WBP2NL: variants seen among roughly 807,000 people sequenced by gnomAD.
The protein encoded by WBP2NL is postacrosomal sheath WW domain-binding protein.
In WBP2NL, 27 loss-of-function variants were observed where a neutral mutation model predicts 23.3. That is an observed-to-expected ratio of 1.16 (90% CI 0.85 to 1.60). WBP2NL has a LOEUF of 1.60. WBP2NL is among the 40% of genes most tolerant of loss of function. WBP2NL has a pLI of 0.00. For missense variants in WBP2NL, 370 were observed against 389.5 expected, an observed-to-expected ratio of 0.95 and a Z score of 0.42; for synonymous variants, 151 against 145.9, an observed-to-expected ratio of 1.03 and a Z score of -0.25.
downstream of WBP2NL, chr22:42,032,549 G>A (rs1268655294): frequency 7.8e-6 from 2 of 255,356 alleles, no homozygotes; most frequent in East Asian, 2.7e-4. Context: ...TTGGTTGCTT[G>A]CTTGAAAATC....
At chr22:42,052,773 C>G (rs1602484164) in intron 8 of WBP2NL, among the ~76,000 whole-genome samples, 1 of 152,326 alleles carries the variant, frequency 6.6e-6, no homozygotes, top group Middle Eastern at 3.4e-3. Context: ...GCCAGTCCTT[C>G]TTCATCTTCA....
intron 1 of WBP2NL, among the ~76,000 whole-genome samples, chr22:42,008,966 A>G (rs1462116149): frequency 6.6e-6 from 1 of 152,126 alleles, no homozygotes; most frequent in Non-Finnish European, 1.5e-5. Flanking sequence ...TTTTTAGTAG[A>G]GACGGGGTTT....
chr22:42,033,509 C>G (rs755906703), downstream of WBP2NL, among the ~76,000 whole-genome samples: 16 of 152,120 alleles, frequency 1.1e-4, no homozygotes, highest in Non-Finnish European at 1.6e-4. Context: ...GGTGCACAGA[C>G]AAGTAGAGGG....
intron 8 of WBP2NL, among the ~76,000 whole-genome samples, chr22:42,041,349 G>A (rs1017025276): frequency 6.6e-6 from 1 of 151,946 alleles, no homozygotes; most frequent in Non-Finnish European, 1.5e-5. Flanking sequence ...GGGCGTGGTG[G>A]CACACACCTG....
chr22:42,023,294 C>G (rs1357433532), intron 5 of WBP2NL, among the ~76,000 whole-genome samples: 1 of 151,708 alleles, frequency 6.6e-6, no homozygotes, highest in Non-Finnish European at 1.5e-5. Flanking sequence ...AAGCGATCCT[C>G]TTACCTCAGT....
At chr22:42,033,344 T>C (rs1238161858), downstream of WBP2NL, among the ~76,000 whole-genome samples, 1 of 152,180 alleles carries the variant, frequency 6.6e-6, no homozygotes, top group Non-Finnish European at 1.5e-5. Context: ...GTCACAGCCC[T>C]GGCTTGGAGA....
Position 42,019,361 on chromosome 22 carries a change from A to G in WBP2NL, c.113A>G (p.Glu38Gly), listed in dbSNP as rs1320076943. The G allele has an allele frequency of 6.2e-7, 1 of 1,614,112 alleles. No homozygotes were observed. Among genetic ancestry groups the G allele is most frequent in the Non-Finnish European group, 8.5e-7 (1 of 1,180,056 alleles). Residue 38 changes from glutamate to glycine, a missense_variant, in exon 2 of 6, where the codon GAA (glutamate) becomes GGA (glycine). Physicochemically the swap from Glu to Gly is moderately conservative, Grantham distance 98. Coordinates refer to ENST00000328823, the MANE Select transcript of WBP2NL (RefSeq NM_152613.3). ...GAGCTCTCCTTCCCACAGCGATCAGAAGGCTCAAATGTCTTTAGTGGTAGA... is the reference window on the plus strand; with the variant it reads ...GAGCTCTCCTTCCCACAGCGATCAGGAGGCTCAAATGTCTTTAGTGGTAGA... Reference protein sequence around the residue: ...NVELSFPQRSEGSNVFSGRKT... With the variant: ...NVELSFPQRSGGSNVFSGRKT...
intron 8 of WBP2NL, among the ~76,000 whole-genome samples, chr22:42,056,945 T>G (rs1196077716): frequency 6.6e-6 from 1 of 152,168 alleles, no homozygotes; most frequent in Non-Finnish European, 1.5e-5. Flanking sequence ...TTATTGAGAC[T>G]CCCTTGTGTG....
intron 1 of WBP2NL, chr22:42,003,374 G>A (rs550453341): frequency 6.5e-6 from 1 of 152,716 alleles, no homozygotes; most frequent in Admixed American, 6.5e-5. Flanking sequence ...TACACTAAAT[G>A]TGGGTACAGT....
At chr22:42,008,121 G>C (rs8142031) in intron 1 of WBP2NL, among the ~76,000 whole-genome samples, 8,412 of 53,020 alleles carry the variant, frequency 0.16, 781 homozygotes, top group East Asian at 0.65. Context: ...CCTTTCCTTT[G>C]CTTTCCTTTC....
At position 41,998,831 on chromosome 22, in the gene WBP2NL, CA is replaced by C. The variant is rs1239603528; in HGVS notation, c.14del (p.Gln5ArgfsTer19). The C allele has an allele frequency of 6.2e-7, 1 of 1,611,080 alleles. No individual in the cohort carries two copies. The highest frequency in any genetic ancestry group is 8.5e-7 in the Non-Finnish European group (1 of 1,178,318). On this transcript the variant is annotated frameshift_variant, in exon 1 of 6. Transcript: ENST00000328823. LOFTEE classifies it high-confidence loss of function. MAVN[Q>X]SHTENRRGAL... Reference sequence around the variant, plus strand: ...GGCCCGAAGCAAGATGGCGGTGAATCAGAGCCACACCGAGAACCGCCGCGGA... The same window carrying C: ...GGCCCGAAGCAAGATGGCGGTGAATCGAGCCACACCGAGAACCGCCGCGGA...
downstream of WBP2NL, among the ~76,000 whole-genome samples, chr22:42,035,966 C>A (rs752173484): frequency 1.5e-4 from 23 of 152,158 alleles, no homozygotes; most frequent in Non-Finnish European, 3.2e-4. Flanking sequence ...CAGCTTCATT[C>A]ATTTTGTTAC....
chr22:42,002,198 A>G (rs1921771191), intron 1 of WBP2NL, among the ~76,000 whole-genome samples: 1 of 152,202 alleles, frequency 6.6e-6, no homozygotes, highest in African/African-American at 2.4e-5. Context: ...CCTTTATGGG[A>G]TCCATTTTGT....
chr22:42,045,075 C>T (rs1412615191), intron 8 of WBP2NL, among the ~76,000 whole-genome samples: 2 of 152,068 alleles, frequency 1.3e-5, no homozygotes, highest in African/African-American at 4.8e-5. Context: ...AATCAATCCT[C>T]TTGTCTCAGT....
chr22:42,052,049 T>C (rs1925854437), intron 8 of WBP2NL, among the ~76,000 whole-genome samples: 1 of 152,158 alleles, frequency 6.6e-6, no homozygotes, highest in East Asian at 1.9e-4. Flanking sequence ...ACCATCTTAT[T>C]CTCATTCTAT....
At chr22:42,053,968 T>A (rs1602484745) in intron 8 of WBP2NL, among the ~76,000 whole-genome samples, 2 of 151,378 alleles carry the variant, frequency 1.3e-5, no homozygotes, top group African/African-American at 4.8e-5. Context: ...ATTTTTTATT[T>A]AAAAAAAAAT....
chr22:42,006,892 T>C (rs1383421209), intron 1 of WBP2NL, among the ~76,000 whole-genome samples: 3 of 152,236 alleles, frequency 2.0e-5, no homozygotes, highest in Admixed American at 6.5e-5. Context: ...CAGACTCTAC[T>C]GTAAAATGGG....
Position 42,027,198 on chromosome 22 carries a change from C to A in WBP2NL, c.*17C>A, listed in dbSNP as rs1326685248. The A allele has an allele frequency of 1.3e-6, 2 of 1,579,394 alleles. No homozygotes were observed. Among genetic ancestry groups the A allele is most frequent in the African/African-American group, 2.7e-5 (2 of 73,074 alleles). ...CATTCTTAACCTTCTAAGATGTAAA[C>A]CTTGAAGACTCACCAAGCAAAGAGG... On this transcript the variant is annotated 3_prime_UTR_variant, in exon 6 of 6. Transcript: ENST00000328823.
At chr22:42,001,801 C>T in intron 1 of WBP2NL, 1 of 1,239,840 alleles carries the variant, frequency 8.1e-7, no homozygotes, top group Non-Finnish European at 1.2e-6. Context: ...ACCATGCAGT[C>T]TCTAATGCCC....
Sources: gnomAD v4.1 joint callset for allele counts (sites outside exome capture counted in the v4.1 genomes callset) on GRCh38, gnomAD v4.1.1 for gene constraint, MANE v1.5 for transcripts, NCBI Gene and HGNC (gene_info 2026-07-23, HGNC 2026-07-21) for gene names.